COL28A1: variants seen among roughly 807,000 people sequenced by gnomAD.
COL28A1 encodes collagen alpha-1(XXVIII) chain.
COL28A1 carries 161 observed loss-of-function variants against 150.2 expected under a neutral mutation model. The observed-to-expected ratio is 1.07, with a 90% CI of 0.94 to 1.22. The LOEUF (loss-of-function observed/expected upper bound fraction) is 1.22, where lower values mean the gene tolerates loss of function less well. Ranked by LOEUF, COL28A1 falls within the 50% of genes most tolerant of loss-of-function variation. COL28A1 has a pLI of 0.00. For missense variants in COL28A1, 1,617 were observed against 1,388.3 expected, an observed-to-expected ratio of 1.16 and a Z score of -2.62; for synonymous variants, 552 against 469.7, an observed-to-expected ratio of 1.18 and a Z score of -2.26.
At position 7,358,294 on chromosome 7, in the gene COL28A1, A is replaced by G. The variant is rs111635750; in HGVS notation, c.*339T>C. ...GTAGGGGTTTGAGCTGACATAGTAC[A>G]TACAACAGGAATTAAAGGAATCAGA... On this transcript the variant is annotated 3_prime_UTR_variant, in exon 35 of 35. Coordinates refer to ENST00000399429, the MANE Select transcript of COL28A1 (RefSeq NM_001037763.3). 306 of 184,360 alleles carry G rather than the reference A, an allele frequency of 1.7e-3. 1 individual carries two copies. The highest frequency in any genetic ancestry group is 5.9e-3 in the African/African-American group (251 of 42,318). The allele number at this position is 184,360 out of a possible 1,614,324, so 11.4% of individuals were successfully genotyped here. A position where few individuals can be genotyped will look rare whatever the true frequency, so the allele number is the denominator to read the frequency against.
At chr7:7,463,233 CAGGTTAT>C (rs1787783375) in intron 15 of COL28A1, among the ~76,000 whole-genome samples, 2 of 151,992 alleles carry the variant, frequency 1.3e-5, no homozygotes, top group Admixed American at 1.3e-4. Flanking sequence ...ACACTGTCAT[CAGGTTAT>C]CTGAAGTTAA....
chr7:7,470,965 G>T (rs1583449115), intron 15 of COL28A1, among the ~76,000 whole-genome samples: 2 of 101,156 alleles, frequency 2.0e-5, no homozygotes, highest in Non-Finnish European at 3.7e-5. Flanking sequence ...CTGTGGTGGG[G>T]TCGGGGGAGG....
chr7:7,415,211 G>A (rs777735683), intron 27 of COL28A1, among the ~76,000 whole-genome samples: 66 of 152,180 alleles, frequency 4.3e-4, no homozygotes, highest in African/African-American at 1.4e-3. Flanking sequence ...AAAGCTTTCC[G>A]TCAAAGGCTA....
intron 8 of COL28A1, chr7:7,511,835 T>C (rs758890994): frequency 2.1e-5 from 10 of 469,754 alleles, no homozygotes; most frequent in South Asian, 4.7e-5. Context: ...CTGTCTTCCC[T>C]AGAATATTGC....
At chr7:7,341,415 AT>A in the COL28A1 span, among the ~76,000 whole-genome samples, 5 of 151,444 alleles carry the variant, frequency 3.3e-5, no homozygotes, top group Non-Finnish European at 7.4e-5. Flanking sequence ...CCCTTTTTAA[AT>A]TTTTTAGAGA....
intron 33 of COL28A1, among the ~76,000 whole-genome samples, chr7:7,366,185 C>T (rs1736060167): frequency 6.6e-6 from 1 of 152,168 alleles, no homozygotes; most frequent in African/African-American, 2.4e-5. Flanking sequence ...ACTGAGACCT[C>T]AGGAAAATAG....
chr7:7,435,954 G>C (rs949689144), intron 23 of COL28A1, among the ~76,000 whole-genome samples: 5 of 152,156 alleles, frequency 3.3e-5, no homozygotes, highest in African/African-American at 1.2e-4. Context: ...TATGATTACA[G>C]AAACCTGGTT....
Position 7,406,844 on chromosome 7 carries a change from C to T in COL28A1, c.2136+11015G>A, listed in dbSNP as rs553454343. 2.0e-5 allele frequency among the ~76,000 whole-genome samples: 3 copies of T among 152,088 alleles called. No individual in the cohort carries two copies. The South Asian group carries it at 6.2e-4, about 32-fold the overall frequency. On this transcript the variant is annotated intron_variant, in intron 27 of 34. Transcript: ENST00000399429. Reference sequence around the variant, plus strand: ...GGACAGCATCCAGATTACAACATACCAGATTAGTGGTTTTCTTTCTTTTTT... The same window carrying T: ...GGACAGCATCCAGATTACAACATACTAGATTAGTGGTTTTCTTTCTTTTTT...
chr7:7,351,736 A>C (rs1476315857), downstream of COL28A1, among the ~76,000 whole-genome samples: 1 of 152,110 alleles, frequency 6.6e-6, no homozygotes, highest in Non-Finnish European at 1.5e-5. Flanking sequence ...AAATTAAAAA[A>C]ACAAAATGTC....
downstream of COL28A1, chr7:7,356,427 T>C (rs1218663629): frequency 6.6e-6 from 1 of 152,226 alleles, no homozygotes; most frequent in East Asian, 1.9e-4. Flanking sequence ...CTTCATTCTC[T>C]AGGTGATGTG....
chr7:7,444,010 T>TTA (rs1786039055), intron 19 of COL28A1, among the ~76,000 whole-genome samples: 1 of 138,512 alleles, frequency 7.2e-6, no homozygotes, highest in Non-Finnish European at 1.6e-5. Context: ...TTTTTTTTGC[T>TTA]ACTTTTACTG....
chr7:7,354,023 A>C (rs1780291867), downstream of COL28A1, among the ~76,000 whole-genome samples: 1 of 147,938 alleles, frequency 6.8e-6, no homozygotes, highest in Non-Finnish European at 1.5e-5. Context: ...TAAAGGAGAA[A>C]AAAAAATTTT....
intron 4 of COL28A1, among the ~76,000 whole-genome samples, chr7:7,522,343 T>C (rs992969144): frequency 4.6e-5 from 7 of 152,204 alleles, no homozygotes; most frequent in African/African-American, 1.7e-4. Flanking sequence ...CCTTCTCTTC[T>C]ATATAACACA....
chr7:7,440,362 G>A (rs1785677950), intron 21 of COL28A1, among the ~76,000 whole-genome samples: 1 of 152,172 alleles, frequency 6.6e-6, no homozygotes, highest in East Asian at 1.9e-4. Context: ...GAAGCGACTT[G>A]CTCCAAGAGG....
At chr7:7,477,990 G>T (rs1462905180) in intron 13 of COL28A1, among the ~76,000 whole-genome samples, 8 of 152,150 alleles carry the variant, frequency 5.3e-5, no homozygotes, top group African/African-American at 1.9e-4. Flanking sequence ...AGATTAGCTA[G>T]ATACAGAGTG....
Position 7,358,780 on chromosome 7 carries a change from C to A in COL28A1, c.3231G>T (p.Lys1077Asn). 1 of 1,613,740 alleles carries A rather than the reference C, an allele frequency of 6.2e-7. No individual in the cohort carries two copies. ...CCACATATTCACCACAGTTTCCAGG[C>A]TTCAAGGCTTCCAAACATCTAGGAT... ...AEDPRCLEALKPGNCGEYVVR... is the reference protein window; with the variant it reads ...AEDPRCLEALNPGNCGEYVVR... Residue 1077 changes from lysine to asparagine, a missense_variant, in exon 35 of 35, where the codon AAG (lysine) becomes AAT (asparagine). Coordinates refer to ENST00000399429, the MANE Select transcript of COL28A1 (RefSeq NM_001037763.3).
rs1785107444 is a variant in COL28A1, at chr7:7,433,221, T to C, written c.1861-521A>G. Among the ~76,000 whole-genome samples the C allele has an allele frequency of 6.6e-5, 10 of 152,174 alleles. No homozygotes were observed. The South Asian group carries it at 1.9e-3, about 28-fold the overall frequency. On this transcript the variant is annotated intron_variant, in intron 23 of 34. Coordinates refer to ENST00000399429, the MANE Select transcript of COL28A1 (RefSeq NM_001037763.3). ...CAGAAAGAGCAGGGAGGGGTGATTA[T>C]TGTCCTTTAGACAACAGAGTTTTCT...
At position 7,373,439 on chromosome 7, in the gene COL28A1, T is replaced by C; in HGVS notation, c.2467A>G (p.Thr823Ala). ...NFQIIKNFVKTMADRVALDLA... is the reference protein window; with the variant it reads ...NFQIIKNFVKAMADRVALDLA... ...TCCAGAGCAACCCGGTCAGCCATAG[T>C]CTTCACAAAATTTTTAATGATCTGA... The change falls in exon 32 of 35, where the codon ACT (threonine) becomes GCT (alanine). Residue 823 changes from threonine to alanine, a missense_variant. Physicochemically the swap from Thr to Ala is moderately conservative, Grantham distance 58. Coordinates refer to ENST00000399429, the MANE Select transcript of COL28A1 (RefSeq NM_001037763.3). The surrounding 1 kb of genome is among the most constrained non-coding windows in gnomAD (Gnocchi z 4.1). The C allele has an allele frequency of 6.2e-7, 1 of 1,614,148 alleles. No homozygotes were observed. The highest frequency in any genetic ancestry group is 1.7e-5 in the Admixed American group (1 of 60,024).
intron 33 of COL28A1, among the ~76,000 whole-genome samples, chr7:7,369,669 T>C (rs1781114785): frequency 6.6e-6 from 1 of 152,238 alleles, no homozygotes; most frequent in African/African-American, 2.4e-5. Context: ...GAGAATCTAG[T>C]GAGTTCTATA....
Sources: gnomAD v4.1 joint callset for allele counts (sites outside exome capture counted in the v4.1 genomes callset) on GRCh38, gnomAD v4.1.1 for gene constraint, Gnocchi (gnomAD v3.1) non-coding constraint, MANE v1.5 for transcripts, NCBI Gene and HGNC (gene_info 2026-07-23, HGNC 2026-07-21) for gene names.